Variants in CDH13 observed in about 807,000 individuals in gnomAD.
CDH13 encodes cadherin-13.
A neutral mutation model predicts 63.8 loss-of-function variants in CDH13; 24 were observed. The observed-to-expected ratio is 0.38, with a 90% CI of 0.27 to 0.53. CDH13 has a LOEUF of 0.53. Among genes scored for constraint, CDH13 ranks in the 20% least tolerant of loss-of-function variants. The pLI is 0.85. For missense variants in CDH13, 1,049 were observed against 903.1 expected (o/e 1.16, Z -2.07); for synonymous variants, 503 against 355.3 (o/e 1.42, Z -4.67).
chr16:83,199,087 C>A (rs539044459), intron 4 of CDH13, among the ~76,000 whole-genome samples: 1 of 152,120 alleles, frequency 6.6e-6, no homozygotes, highest in African/African-American at 2.4e-5. Context: ...CAAATGGGCC[C>A]GGGTACATTT....
chr16:82,809,905 GA>G (rs200661389), intron 1 of CDH13, among the ~76,000 whole-genome samples: 3 of 150,788 alleles, frequency 2.0e-5, no homozygotes, highest in South Asian at 2.1e-4. Context: ...TGCCTGTTAA[GA>G]AAAAAAAAGG....
At chr16:83,389,569 G>T (rs1437689625) in intron 6 of CDH13, among the ~76,000 whole-genome samples, 2 of 152,100 alleles carry the variant, frequency 1.3e-5, no homozygotes, top group Non-Finnish European at 2.9e-5. Context: ...TCCACATAAT[G>T]CTGCCTTATT....
chr16:83,158,540 ACCAGTGCTGACTCAGAGCAGC>A (rs971228086), intron 4 of CDH13, among the ~76,000 whole-genome samples: 2 of 152,192 alleles, frequency 1.3e-5, no homozygotes, highest in African/African-American at 4.8e-5. Flanking sequence ...CTGAGGAGTG[ACCAGTGCTGACTCAGAGCAGC>A]CCATCTACGG....
chr16:83,733,298 A>T (rs1911217046), intron 10 of CDH13, among the ~76,000 whole-genome samples: 1 of 152,200 alleles, frequency 6.6e-6, no homozygotes, highest in Admixed American at 6.5e-5. Context: ...GTGAGCGCAC[A>T]CTGGACTCGT....
At chr16:83,081,522 G>A (rs2033251707) in intron 3 of CDH13, among the ~76,000 whole-genome samples, 1 of 152,214 alleles carries the variant, frequency 6.6e-6, no homozygotes, top group Non-Finnish European at 1.5e-5. Context: ...AGTTTGGGCT[G>A]CTATAACAAT....
chr16:83,547,185 G>A (rs1181966602), intron 7 of CDH13, among the ~76,000 whole-genome samples: 1 of 152,206 alleles, frequency 6.6e-6, no homozygotes, highest in Non-Finnish European at 1.5e-5. Context: ...GAATTATAGA[G>A]TATGGTAAAA....
intron 1 of CDH13, among the ~76,000 whole-genome samples, chr16:82,709,961 G>A (rs1037235189): frequency 2.0e-5 from 3 of 152,008 alleles, no homozygotes; most frequent in African/African-American, 7.2e-5. Context: ...AGCTACATAA[G>A]GGATGTCCCA....
intron 7 of CDH13, among the ~76,000 whole-genome samples, chr16:83,513,325 G>A (rs1404871283): frequency 6.6e-6 from 1 of 152,088 alleles, no homozygotes; most frequent in Non-Finnish European, 1.5e-5. Context: ...ACCTGAAATG[G>A]CATTTTCTCC....
At chr16:82,987,602 C>T (rs150385613) in intron 2 of CDH13, among the ~76,000 whole-genome samples, 403 of 152,288 alleles carry the variant, frequency 2.6e-3, no homozygotes, top group African/African-American at 9.3e-3. Flanking sequence ...GTCTCAAACT[C>T]CTGACCTCAG....
intron 2 of CDH13, among the ~76,000 whole-genome samples, chr16:82,923,556 G>A (rs1188700012): frequency 1.3e-5 from 2 of 152,156 alleles, no homozygotes; most frequent in African/African-American, 2.4e-5. Context: ...ATCTAGTGGG[G>A]CATCAGACAA....
intron 1 of CDH13, among the ~76,000 whole-genome samples, chr16:82,773,047 G>A (rs2035334182): frequency 1.3e-5 from 2 of 152,170 alleles, no homozygotes; most frequent in Admixed American, 1.3e-4. Context: ...GTGTGGAAAG[G>A]ATAGAACTCA....
At chr16:83,602,632 C>G in intron 8 of CDH13, 38 bp downstream of exon 8, 1 of 1,608,704 alleles carries the variant, frequency 6.2e-7, no homozygotes. Context: ...CCACTGTGGT[C>G]ACAGCTACAA....
rs78690703 is a variant in CDH13, at chr16:83,779,609, C to T, written c.1682-359C>T. On this transcript the variant is annotated intron_variant, in intron 11 of 13. Coordinates refer to ENST00000567109, the MANE Select transcript of CDH13 (RefSeq NM_001257.5). ...TGTCTGAGGCAGGATGATTGCTTGA[C>T]GCCAGGAGTTTGAAATCAGCCTGGG... Among the ~76,000 whole-genome samples the T allele has an allele frequency of 7.6e-4, 115 of 151,964 alleles. 3 individuals carry two copies. In the South Asian group the frequency reaches 0.022, roughly 29 times the overall value.
rs375245997 is a variant in CDH13, at chr16:83,122,331, GTTTATT to G, written c.367-3048_367-3043del. ...AATGGTGTCATTAGGTCTCCAGCAT[GTTTATT>G]TTTATGTTTTCCTTCTTTTATGTGA... On this transcript the variant is annotated intron_variant, in intron 3 of 13. Coordinates refer to ENST00000567109, the MANE Select transcript of CDH13 (RefSeq NM_001257.5). Among the ~76,000 whole-genome samples the G allele has an allele frequency of 4.2e-3, 646 of 152,276 alleles. 6 individuals are homozygous for G. The highest frequency in any genetic ancestry group is 0.015 in the African/African-American group (612 of 41,564).
chr16:83,332,410 C>G (rs958758552), intron 5 of CDH13, among the ~76,000 whole-genome samples: 23 of 152,022 alleles, frequency 1.5e-4, no homozygotes, highest in African/African-American at 5.1e-4. Context: ...TTAAGAACAT[C>G]ATGTTTGATA....
At chr16:82,957,861 G>T (rs138602832) in intron 2 of CDH13, among the ~76,000 whole-genome samples, 5 of 152,320 alleles carry the variant, frequency 3.3e-5, no homozygotes, top group African/African-American at 1.2e-4. Context: ...GCTATGACCA[G>T]TTATTGCTTC....
chr16:83,167,116 A>G (rs2151721570), intron 4 of CDH13, among the ~76,000 whole-genome samples: 1 of 152,170 alleles, frequency 6.6e-6, no homozygotes. Context: ...GAATATTGGC[A>G]AACGTATTTG....
chr16:82,890,927 C>T (rs2041058578), intron 2 of CDH13, among the ~76,000 whole-genome samples: 1 of 152,076 alleles, frequency 6.6e-6, no homozygotes, highest in South Asian at 2.1e-4. Context: ...GCTGGGATTA[C>T]AGGCGTGAGC....
At chr16:83,048,409 T>C (rs543385229) in intron 3 of CDH13, among the ~76,000 whole-genome samples, 1 of 152,350 alleles carries the variant, frequency 6.6e-6, no homozygotes, top group East Asian at 1.9e-4. Flanking sequence ...TTCACGCTCC[T>C]GGACCTGTGC....
Sources: gnomAD v4.1 joint callset for allele counts (sites outside exome capture counted in the v4.1 genomes callset) on GRCh38, gnomAD v4.1.1 for gene constraint, MANE v1.5 for transcripts, NCBI Gene and HGNC (gene_info 2026-07-23, HGNC 2026-07-21) for gene names.